Variants in RADIL observed in about 807,000 individuals in gnomAD.
RADIL encodes the protein ras-associating and dilute domain-containing protein.
A neutral mutation model predicts 97.6 loss-of-function variants in RADIL; 99 were observed. The ratio of observed to expected loss-of-function variants is 1.01; its 90% CI spans 0.86 to 1.20. The LOEUF (loss-of-function observed/expected upper bound fraction) is 1.20, where lower values mean the gene tolerates loss of function less well. Ranked by LOEUF, RADIL falls within the 50% of genes most tolerant of loss-of-function variation. The pLI is 0.00. For missense variants in RADIL, 1,765 were observed against 1,498.9 expected (o/e 1.18, Z -2.93); for synonymous variants, 803 against 691.8 (o/e 1.16, Z -2.52).
At chr7:4,851,629 A>G (rs1046777554) in intron 2 of RADIL, among the ~76,000 whole-genome samples, 1 of 152,192 alleles carries the variant, frequency 6.6e-6, no homozygotes, top group African/African-American at 2.4e-5. Context: ...AGAATTTGCA[A>G]ATGGTGAACC....
chr7:4,817,091 C>T lies in RADIL; in HGVS notation c.1728+148G>A. On this transcript the variant is annotated intron_variant, in intron 7 of 14. Coordinates refer to ENST00000399583, the MANE Select transcript of RADIL (RefSeq NM_018059.5). This position sits in a 1 kb window ranked among gnomAD's most constrained non-coding sequence, Gnocchi z 8.3. ...TGCAGCTGGGCCTGTGCAGAACCTG[C>T]AGCCACTGCTCCCTGATGAAGTGGA... 3.0e-6 allele frequency: 2 copies of T among 666,956 alleles called. No homozygotes were observed. The highest frequency in any genetic ancestry group is 5.1e-6 in the Non-Finnish European group (2 of 392,024). The allele number at this position is 666,956 out of a possible 1,614,324, so 41.3% of individuals were successfully genotyped here. A position where few individuals can be genotyped will look rare whatever the true frequency, so the allele number is the denominator to read the frequency against.
rs1003659792 is a variant in RADIL, at chr7:4,867,024, T to C, written c.535+10581A>G. On this transcript the variant is annotated intron_variant, in intron 2 of 14. Transcript: ENST00000399583. This position sits in a 1 kb window ranked among gnomAD's most constrained non-coding sequence, Gnocchi z 4.1. ...GCTTCCCCTTTGACCTTTTCTGCCATGTGATGACGCAGCACAGAAGCCCTC... is the reference window on the plus strand; with the variant it reads ...GCTTCCCCTTTGACCTTTTCTGCCACGTGATGACGCAGCACAGAAGCCCTC... Among the ~76,000 whole-genome samples the C allele has an allele frequency of 5.3e-5, 8 of 152,152 alleles. No individual in the cohort carries two copies. Among genetic ancestry groups the C allele is most frequent in the African/African-American group, 1.9e-4 (8 of 41,446 alleles).
At position 4,800,082 on chromosome 7, in the gene RADIL, G is replaced by A. The variant is rs562034222; in HGVS notation, c.2982+89C>T. 2,094 of 1,442,394 alleles carry A rather than the reference G, an allele frequency of 1.5e-3. 1 individual carries two copies. The highest frequency in any genetic ancestry group is 1.7e-3 in the Non-Finnish European group (1,875 of 1,083,572). The allele number at this position is 1,442,394 out of a possible 1,614,324, so 89.3% of individuals were successfully genotyped here. On this transcript the variant is annotated intron_variant, in intron 13 of 14. Transcript: ENST00000399583. ...TCCCCGAAGGCCTTCCTGTAGCCAC[G>A]TGGCCACGCAAGCTGCGGCCAGGCT...
Position 4,840,641 on chromosome 7 carries a change from G to A in RADIL, c.536-4036C>T, listed in dbSNP as rs568623778. On this transcript the variant is annotated intron_variant, in intron 2 of 14. Coordinates refer to ENST00000399583, the MANE Select transcript of RADIL (RefSeq NM_018059.5). The surrounding 1 kb of genome is among the most constrained non-coding windows in gnomAD (Gnocchi z 5.6). ...TACCAATGGGAGATTCCGCCAACAT[G>A]AAATAAGTTCAGTGAGAAATACATC... 1.3e-5 allele frequency among the ~76,000 whole-genome samples: 2 copies of A among 152,280 alleles called. No individual in the cohort carries two copies. Among genetic ancestry groups the A allele is most frequent in the African/African-American group, 4.8e-5 (2 of 41,548 alleles).
At position 4,883,283 on chromosome 7, in the gene RADIL, C is replaced by A. The variant is rs1327088020; in HGVS notation, c.-65+313G>T. ...GTCCCCTGGAGTTGGGGGTCCGGGG[C>A]CCACGCGGACAGCCAGGCTCAGGAG... On this transcript the variant is annotated intron_variant, in intron 1 of 14. Coordinates refer to ENST00000399583, the MANE Select transcript of RADIL (RefSeq NM_018059.5). The surrounding 1 kb of genome is among the most constrained non-coding windows in gnomAD (Gnocchi z 7.1). Among the ~76,000 whole-genome samples the A allele has an allele frequency of 6.6e-6, 1 of 151,230 alleles. No individual in the cohort carries two copies. The highest frequency in any genetic ancestry group is 1.5e-5 in the Non-Finnish European group (1 of 67,924).
intron 2 of RADIL, among the ~76,000 whole-genome samples, chr7:4,868,136 C>T (rs1034658257): frequency 8.5e-5 from 13 of 152,086 alleles, no homozygotes; most frequent in Admixed American, 5.2e-4. Context: ...GATCTCGGCT[C>T]ACTGCAAGCT....
At chr7:4,860,418 T>G (rs768350988) in intron 2 of RADIL, 1 of 1,614,176 alleles carries the variant, frequency 6.2e-7, no homozygotes, top group African/African-American at 1.3e-5. Flanking sequence ...ACAGTATCTG[T>G]GAAAGACTGG....
rs944285875 is a variant in RADIL, at chr7:4,834,536, G to C, written c.1416+71C>G. 1.2e-5 allele frequency: 15 copies of C among 1,276,408 alleles called. No homozygotes were observed. The highest frequency in any genetic ancestry group is 1.4e-5 in the Non-Finnish European group (14 of 1,011,256). The allele number at this position is 1,276,408 out of a possible 1,614,324, so 79.1% of individuals were successfully genotyped here. On this transcript the variant is annotated intron_variant, in intron 4 of 14. Coordinates refer to ENST00000399583, the MANE Select transcript of RADIL (RefSeq NM_018059.5). The surrounding 1 kb of genome is among the most constrained non-coding windows in gnomAD (Gnocchi z 6.0). Reference sequence around the variant, plus strand: ...ATAGAGGCGCTCCCGCCTCCCAGCCGGGGCCAGCTCCGGGCCCCCTCTTCC... The same window carrying C: ...ATAGAGGCGCTCCCGCCTCCCAGCCCGGGCCAGCTCCGGGCCCCCTCTTCC...
In RADIL at chr7:4,814,768, T is replaced by TA. The variant is rs1236794888; in HGVS notation, c.2139+509_2139+510insT. Among the ~76,000 whole-genome samples, 1 of 152,184 alleles carries TA rather than the reference T, an allele frequency of 6.6e-6. No individual in the cohort carries two copies. The highest frequency in any genetic ancestry group is 1.5e-5 in the Non-Finnish European group (1 of 68,040). ...GGATCTGTCTCCCTGCTCTTCCGGT[T>TA]GCTGTCAGAATTCAGTTCCTGTGGT... On this transcript the variant is annotated intron_variant, in intron 9 of 14. Coordinates refer to ENST00000399583, the MANE Select transcript of RADIL (RefSeq NM_018059.5). The surrounding 1 kb of genome is among the most constrained non-coding windows in gnomAD (Gnocchi z 4.5).
intron 2 of RADIL, among the ~76,000 whole-genome samples, chr7:4,869,635 T>C (rs1199062649): frequency 6.6e-6 from 1 of 152,072 alleles, no homozygotes; most frequent in Non-Finnish European, 1.5e-5. Context: ...GCCCACCCAA[T>C]TCCCACAGGG....
At chr7:4,881,062 G>A (rs10230931) in intron 1 of RADIL, among the ~76,000 whole-genome samples, 2 of 133,284 alleles carry the variant, frequency 1.5e-5, no homozygotes, top group East Asian at 2.4e-4. Context: ...ATTGCGCCAC[G>A]TCACTCCAGC....
chr7:4,834,755 G>A lies in RADIL; in HGVS notation c.1268C>T (p.Thr423Met), dbSNP rs751646621. The A allele has an allele frequency of 7.1e-6, 10 of 1,400,778 alleles. No homozygotes were observed. The highest frequency in any genetic ancestry group is 2.7e-5 in the Admixed American group (1 of 36,368). The allele number at this position is 1,400,778 out of a possible 1,614,324, so 86.8% of individuals were successfully genotyped here. A position where few individuals can be genotyped will look rare whatever the true frequency, so the allele number is the denominator to read the frequency against. ...GTCGTCGCCCCCCGGCTCGATCAAC[G>A]TCATGATCCTCTGCAGCAGCGTGTC... ...LEDTLLQRIM[T>M]LIEPGGDDHK... Residue 423 changes from threonine (T) to methionine (M), a missense_variant, in exon 4 of 15, where the codon ACG becomes ATG. Thr to Met is a moderately conservative substitution (Grantham distance 81). Coordinates refer to ENST00000399583, the MANE Select transcript of RADIL (RefSeq NM_018059.5). The surrounding 1 kb of genome is among the most constrained non-coding windows in gnomAD (Gnocchi z 6.0).
chr7:4,817,988 T>C lies in RADIL; in HGVS notation c.1616-637A>G, dbSNP rs1441592790. Among the ~76,000 whole-genome samples, 1 of 152,118 alleles carries C rather than the reference T, an allele frequency of 6.6e-6. No individual in the cohort carries two copies. The highest frequency in any genetic ancestry group is 1.5e-5 in the Non-Finnish European group (1 of 67,994). ...CAGAAAGTGAGGGAGCATGTGGTGG[T>C]CTCAGTGACTGAGGGTCCCATCAGC... On this transcript the variant is annotated intron_variant, in intron 6 of 14. Transcript: ENST00000399583. This position sits in a 1 kb window ranked among gnomAD's most constrained non-coding sequence, Gnocchi z 8.3.
Position 4,836,574 on chromosome 7 carries a change from C to A in RADIL, c.567G>T (p.Arg189=). Residue 189 remains arginine (R), a synonymous_variant, in exon 3 of 15, where the codon CGG becomes CGT. Transcript: ENST00000399583. The part of the protein sequence containing the change: ...GINAQARRLQ[R]SRAKGTPTPA... The stretch of plus-strand genomic sequence containing the variant: ...GGGTCGGGGTTCCCTTCGCGCGACT[C>A]CGCTGCAGCCTCCGGGCCTGGGCGT... 1 of 1,607,546 alleles carries A rather than the reference C, an allele frequency of 6.2e-7. No homozygotes were observed. Among genetic ancestry groups the A allele is most frequent in the Non-Finnish European group, 8.5e-7 (1 of 1,179,536 alleles).
chr7:4,839,361 T>G (rs1783386254), intron 2 of RADIL, among the ~76,000 whole-genome samples: 1 of 152,170 alleles, frequency 6.6e-6, no homozygotes, highest in African/African-American at 2.4e-5. Flanking sequence ...TTGGTATAAT[T>G]TCCGTTTTTT....
intron 3 of RADIL, 144 bp downstream of exon 3, chr7:4,836,214 C>T: frequency 7.6e-7 from 1 of 1,319,844 alleles, no homozygotes; most frequent in Non-Finnish European, 1.0e-6. Context: ...CATCCCACTC[C>T]ACAGCCTCGG....
intron 9 of RADIL, 100 bp from the exon 10 acceptor site, chr7:4,805,816 G>A: frequency 6.8e-6 from 10 of 1,474,652 alleles, no homozygotes; most frequent in South Asian, 1.4e-5. Context: ...AGCCAGCTGA[G>A]GGGCCCTGTG....
At chr7:4,875,721 C>G (rs1053331984) in intron 2 of RADIL, among the ~76,000 whole-genome samples, 2 of 152,196 alleles carry the variant, frequency 1.3e-5, no homozygotes, top group Admixed American at 6.5e-5. Context: ...CCTTTGTTCC[C>G]GTGCAGAAAA....
chr7:4,859,784 T>C (rs991196965), intron 2 of RADIL: 1 of 656,724 alleles, frequency 1.5e-6, no homozygotes, highest in Admixed American at 2.9e-5. Flanking sequence ...GAAGATGCTG[T>C]CTGAATTTTT....
Sources: gnomAD v4.1 joint callset for allele counts (sites outside exome capture counted in the v4.1 genomes callset) on GRCh38, gnomAD v4.1.1 for gene constraint, Gnocchi (gnomAD v3.1) non-coding constraint, MANE v1.5 for transcripts, NCBI Gene and HGNC (gene_info 2026-07-23, HGNC 2026-07-21) for gene names.